The following CDH18 variants were observed in gnomAD, a reference collection of about 807,000 sequenced individuals.
CDH18 encodes cadherin 18, also known as cadherin-18.
In CDH18, 31 loss-of-function variants were observed where a neutral mutation model predicts 67.9. The ratio of observed to expected loss-of-function variants is 0.46; its 90% CI spans 0.34 to 0.62. The LOEUF is 0.62. Among genes scored for constraint, CDH18 ranks in the 20% least tolerant of loss-of-function variants. The probability of loss-of-function intolerance (pLI) is 0.01; values close to 1 mark genes in which losing one functional copy is unlikely to be tolerated. For synonymous variants in CDH18, 362 were observed against 347.2 expected (o/e 1.04, Z -0.48); for missense variants, 890 against 975.5 (o/e 0.91, Z 1.17).
chr5:20,545,041 G>A (rs1040903739), intron 1 of CDH18, among the ~76,000 whole-genome samples: 3 of 152,174 alleles, frequency 2.0e-5, no homozygotes, highest in Non-Finnish European at 4.4e-5. Context: ...AGGGGCTACA[G>A]AACCCATGCA....
intron 3 of CDH18, among the ~76,000 whole-genome samples, chr5:19,808,927 T>A (rs1477797976): frequency 6.6e-6 from 1 of 151,862 alleles, no homozygotes; most frequent in African/African-American, 2.4e-5. Context: ...TATTTCTACA[T>A]TATATTTGGG....
chr5:20,495,564 T>C, intron 1 of CDH18, among the ~76,000 whole-genome samples: 1 of 152,092 alleles, frequency 6.6e-6, no homozygotes, highest in East Asian at 1.9e-4. Flanking sequence ...TTGAAAGTGC[T>C]CCTCCCAAAG....
intron 2 of CDH18, among the ~76,000 whole-genome samples, chr5:20,123,199 T>G (rs1275809693): frequency 1.3e-5 from 2 of 152,080 alleles, no homozygotes; most frequent in Non-Finnish European, 2.9e-5. Context: ...ACATACGTGA[T>G]CTGGAAAAGA....
intron 1 of CDH18, among the ~76,000 whole-genome samples, chr5:20,477,278 C>T (rs773503384): frequency 1.3e-5 from 2 of 152,106 alleles, no homozygotes; most frequent in Non-Finnish European, 2.9e-5. Context: ...CCTGCACGCT[C>T]AACTATCTAA....
At chr5:19,611,759 A>T (rs1323459016) in intron 6 of CDH18, among the ~76,000 whole-genome samples, 1 of 152,114 alleles carries the variant, frequency 6.6e-6, no homozygotes, top group African/African-American at 2.4e-5. Context: ...TAAAAACTCA[A>T]ATATATTATA....
At chr5:19,793,600 A>G (rs1363126440) in intron 3 of CDH18, among the ~76,000 whole-genome samples, 1 of 152,146 alleles carries the variant, frequency 6.6e-6, no homozygotes, top group Non-Finnish European at 1.5e-5. Flanking sequence ...CGTAAAATTA[A>G]TTGTGGATTT....
chr5:19,898,160 CT>C, intron 2 of CDH18, among the ~76,000 whole-genome samples: 1 of 151,834 alleles, frequency 6.6e-6, no homozygotes, highest in South Asian at 2.1e-4. Flanking sequence ...TTATTTATCT[CT>C]GTATTATTTT....
At chr5:20,377,707 A>T (rs1156773742) in intron 1 of CDH18, among the ~76,000 whole-genome samples, 2 of 152,200 alleles carry the variant, frequency 1.3e-5, no homozygotes, top group Non-Finnish European at 2.9e-5. Flanking sequence ...ACAGCATCTA[A>T]ATCATAATGT....
At chr5:20,501,600 A>ATATATATTATATATATATAT (rs1754324508) in intron 1 of CDH18, among the ~76,000 whole-genome samples, 1 of 67,752 alleles carries the variant, frequency 1.5e-5, no homozygotes, top group Non-Finnish European at 3.0e-5. Flanking sequence ...TATATTATAT[A>ATATATATTATATATATATAT]TATATATATA....
intron 2 of CDH18, among the ~76,000 whole-genome samples, chr5:20,173,310 A>C (rs993308422): frequency 1.3e-5 from 2 of 152,168 alleles, no homozygotes; most frequent in Non-Finnish European, 2.9e-5. Context: ...GGAAACTAAA[A>C]AGCAAATCTC....
Position 19,645,443 on chromosome 5 carries a change from C to G in CDH18, c.644-32842G>C, listed in dbSNP as rs1299469235. On this transcript the variant is annotated intron_variant, in intron 5 of 12. Coordinates refer to ENST00000382275, the MANE Select transcript of CDH18 (RefSeq NM_004934.5). ...GATGGGAGGTAAAGTAACGGGAGAG[C>G]AGAGAGGTAGAGAGGGCTAAATAAC... is the stretch of plus-strand genomic sequence containing the variant. Among the ~76,000 whole-genome samples, 7 of 151,998 alleles carry G rather than the reference C, an allele frequency of 4.6e-5. No individual in the cohort carries two copies. In the East Asian group the frequency reaches 1.4e-3, roughly 29 times the overall value.
intron 9 of CDH18, among the ~76,000 whole-genome samples, chr5:19,531,205 C>A (rs541407359): frequency 3.4e-4 from 52 of 152,038 alleles, no homozygotes; most frequent in Admixed American, 1.8e-3. Context: ...TGAATATATT[C>A]AAAAAAATGA....
At chr5:19,556,199 A>G (rs1422201011) in intron 8 of CDH18, among the ~76,000 whole-genome samples, 1 of 152,198 alleles carries the variant, frequency 6.6e-6, no homozygotes. Flanking sequence ...TTCTGATAAC[A>G]TGGCAAAATA....
intron 1 of CDH18, among the ~76,000 whole-genome samples, chr5:20,488,326 A>G (rs1753338946): frequency 6.6e-6 from 1 of 152,156 alleles, no homozygotes; most frequent in Non-Finnish European, 1.5e-5. Flanking sequence ...AAAAAGAAAC[A>G]GTTGAAGGAT....
intron 1 of CDH18, among the ~76,000 whole-genome samples, chr5:20,481,688 A>G (rs1483300360): frequency 6.6e-6 from 1 of 152,142 alleles, no homozygotes; most frequent in Non-Finnish European, 1.5e-5. Flanking sequence ...ATTAAACGAC[A>G]TGCTCCTAAA....
intron 2 of CDH18, among the ~76,000 whole-genome samples, chr5:19,873,822 T>G (rs1007382946): frequency 2.6e-5 from 4 of 152,000 alleles, no homozygotes; most frequent in African/African-American, 9.7e-5. Context: ...TAATTTTTTG[T>G]ATTTTAGTAG....
At chr5:20,203,657 A>T (rs1427925601) in intron 2 of CDH18, among the ~76,000 whole-genome samples, 1 of 151,938 alleles carries the variant, frequency 6.6e-6, no homozygotes, top group Non-Finnish European at 1.5e-5. Context: ...TAAAAAAAAA[A>T]AGCCAGACAG....
chr5:19,593,711 CTTCTTCTT>C (rs1745654780), intron 6 of CDH18, among the ~76,000 whole-genome samples: 7 of 129,400 alleles, frequency 5.4e-5, no homozygotes, highest in East Asian at 2.2e-4. Flanking sequence ...CCTCCTCCTT[CTTCTTCTT>C]CTTCTTCTTC....
chr5:19,608,859 T>TTATA (rs1748501113), intron 6 of CDH18, among the ~76,000 whole-genome samples: 1 of 151,844 alleles, frequency 6.6e-6, no homozygotes, highest in African/African-American at 2.4e-5. Flanking sequence ...TTCATTGTGA[T>TTATA]TATTTGGCAT....
Sources: gnomAD v4.1 joint callset for allele counts (sites outside exome capture counted in the v4.1 genomes callset) on GRCh38, gnomAD v4.1.1 for gene constraint, MANE v1.5 for transcripts, NCBI Gene and HGNC (gene_info 2026-07-23, HGNC 2026-07-21) for gene names.